Variants in C1orf21 observed in about 807,000 individuals in gnomAD.
C1orf21 encodes chromosome 1 open reading frame 21.
A neutral mutation model predicts 18.7 loss-of-function variants in C1orf21; 3 were observed. That is an observed-to-expected ratio of 0.16 (90% CI 0.07 to 0.42). C1orf21 has a LOEUF of 0.42. Ranked by LOEUF, C1orf21 falls within the 10% of genes least tolerant of loss-of-function variation. The pLI is 0.99. For synonymous variants in C1orf21, 41 were observed against 46.4 expected (o/e 0.88, Z 0.47); for missense variants, 104 against 143.6 (o/e 0.72, Z 1.41).
intron 4 of C1orf21, among the ~76,000 whole-genome samples, chr1:184,596,163 T>C (rs1659510469): frequency 6.6e-6 from 1 of 152,178 alleles, no homozygotes; most frequent in Non-Finnish European, 1.5e-5. Context: ...TGCATGTGTA[T>C]GAGTACTGAC....
chr1:184,489,420 AC>A (rs1180694651), intron 2 of C1orf21, among the ~76,000 whole-genome samples: 1 of 152,220 alleles, frequency 6.6e-6, no homozygotes, highest in Non-Finnish European at 1.5e-5. Context: ...AACATTTTTT[AC>A]CCTTCAGATT....
At position 184,448,930 on chromosome 1, in the gene C1orf21, C is replaced by G. The variant is rs1469562631; in HGVS notation, c.-124-28456C>G. Among the ~76,000 whole-genome samples, 3 of 152,154 alleles carry G rather than the reference C, an allele frequency of 2.0e-5. No homozygotes were observed. In the East Asian group the frequency reaches 5.8e-4, roughly 29 times the overall value. Reference sequence around the variant, plus strand: ...TGAGTAAAAGATTTGAAATAATACACTTTCTTCCAAATCTTCCTGCCTAAA... The same window carrying G: ...TGAGTAAAAGATTTGAAATAATACAGTTTCTTCCAAATCTTCCTGCCTAAA... On this transcript the variant is annotated intron_variant, in intron 1 of 5. Coordinates refer to ENST00000235307, the MANE Select transcript of C1orf21 (RefSeq NM_030806.4).
chr1:184,458,752 A>C (rs182729657), intron 1 of C1orf21, among the ~76,000 whole-genome samples: 1 of 152,226 alleles, frequency 6.6e-6, no homozygotes, highest in African/African-American at 2.4e-5. Context: ...AATCTTTAAA[A>C]AAGCAAACTT....
chr1:184,571,315 A>G (rs1045821313), intron 3 of C1orf21, among the ~76,000 whole-genome samples: 7 of 151,688 alleles, frequency 4.6e-5, no homozygotes, highest in East Asian at 3.9e-4. Context: ...AAAAAAAAAA[A>G]AAAGAAAAGG....
Position 184,539,979 on chromosome 1 carries a change from T to C in C1orf21, c.189+32297T>C, listed in dbSNP as rs1376156956. Reference sequence around the variant, plus strand: ...TGACCCTGCTGACCTGTGATGAACATGTACCCACGAGTGAGAAATAAACCC... The same window carrying C: ...TGACCCTGCTGACCTGTGATGAACACGTACCCACGAGTGAGAAATAAACCC... On this transcript the variant is annotated intron_variant, in intron 3 of 5. Coordinates refer to ENST00000235307, the MANE Select transcript of C1orf21 (RefSeq NM_030806.4). 4 of 152,322 alleles carry C rather than the reference T, an allele frequency of 2.6e-5. No homozygotes were observed. The East Asian group carries it at 7.7e-4, about 29-fold the overall frequency. 9.4% of individuals were successfully genotyped at this position (152,322 alleles called of 1,614,324 possible). A position where few individuals can be genotyped will look rare whatever the true frequency, so the allele number is the denominator to read the frequency against.
chr1:184,409,484 C>T (rs1409183879), intron 1 of C1orf21, among the ~76,000 whole-genome samples: 2 of 151,930 alleles, frequency 1.3e-5, no homozygotes, highest in Non-Finnish European at 2.9e-5. Context: ...TGAAGGGATT[C>T]GTAATGGATC....
chr1:184,559,228 T>G (rs1429663211), intron 3 of C1orf21, among the ~76,000 whole-genome samples: 2 of 152,010 alleles, frequency 1.3e-5, no homozygotes, highest in African/African-American at 4.8e-5. Context: ...AATAGTGAGT[T>G]ATTGCAAGAT....
intron 1 of C1orf21, among the ~76,000 whole-genome samples, chr1:184,393,721 A>G (rs57590305): frequency 0.11 from 16,342 of 152,202 alleles, 2,684 homozygotes; most frequent in African/African-American, 0.35. Context: ...AAATCTGGAA[A>G]AGCATTCCAG....
intron 1 of C1orf21, among the ~76,000 whole-genome samples, chr1:184,423,004 A>G (rs1021597696): frequency 6.6e-6 from 1 of 152,170 alleles, no homozygotes; most frequent in African/African-American, 2.4e-5. Context: ...CCTACCATCC[A>G]TTGGCATTAT....
intron 3 of C1orf21, among the ~76,000 whole-genome samples, chr1:184,559,489 T>C (rs1379518963): frequency 8.1e-6 from 1 of 123,632 alleles, no homozygotes; most frequent in Non-Finnish European, 1.7e-5. Flanking sequence ...CTTCCTTCCT[T>C]CCTTCCTTCC....
At chr1:184,524,916 G>T (rs112904213) in intron 3 of C1orf21, among the ~76,000 whole-genome samples, 1 of 151,968 alleles carries the variant, frequency 6.6e-6, no homozygotes. Flanking sequence ...TTTTATTATA[G>T]AAAATATTTT....
At chr1:184,404,041 A>C (rs1395587366) in intron 1 of C1orf21, among the ~76,000 whole-genome samples, 1 of 152,244 alleles carries the variant, frequency 6.6e-6, no homozygotes, top group Non-Finnish European at 1.5e-5. Context: ...TATATGCCAG[A>C]TATAGCACCT....
At chr1:184,556,915 C>G (rs531512396) in intron 3 of C1orf21, among the ~76,000 whole-genome samples, 1 of 152,348 alleles carries the variant, frequency 6.6e-6, no homozygotes, top group South Asian at 2.1e-4. Flanking sequence ...CTGAGCATCA[C>G]AAGACTTAAC....
chr1:184,481,160 G>T (rs1657648546), intron 2 of C1orf21, among the ~76,000 whole-genome samples: 2 of 151,890 alleles, frequency 1.3e-5, no homozygotes, highest in South Asian at 2.1e-4. Context: ...GAGAAAAGAA[G>T]AAATAACTTA....
chr1:184,503,077 CAAAAAAAAA>C (rs199599189), intron 2 of C1orf21, among the ~76,000 whole-genome samples: 12 of 61,630 alleles, frequency 1.9e-4, no homozygotes, highest in Admixed American at 4.5e-4. Context: ...GAAACTGTCT[CAAAAAAAAA>C]AAAAAAAAAA....
chr1:184,571,766 G>T (rs1196416826), intron 3 of C1orf21, among the ~76,000 whole-genome samples: 3 of 152,130 alleles, frequency 2.0e-5, no homozygotes, highest in Non-Finnish European at 4.4e-5. Context: ...TATGTGGACT[G>T]CTCTTTTCCT....
intron 1 of C1orf21, among the ~76,000 whole-genome samples, chr1:184,462,650 G>T (rs1326413541): frequency 1.3e-5 from 2 of 151,986 alleles, no homozygotes; most frequent in Admixed American, 6.6e-5. Context: ...TTTTTTTGGG[G>T]GGGAATACAG....
chr1:184,396,203 T>A lies in C1orf21; in HGVS notation c.-125+8835T>A, dbSNP rs1457761555. On this transcript the variant is annotated intron_variant, in intron 1 of 5. Transcript: ENST00000235307. The stretch of plus-strand genomic sequence containing the variant: ...GACTTTTTGCCCACAATATAAGCAG[T>A]GAGGGTCACTGAAAGATTATAAAGA... Among the ~76,000 whole-genome samples the A allele has an allele frequency of 2.0e-5, 3 of 152,156 alleles. No homozygotes were observed. The East Asian group carries it at 5.8e-4, about 29-fold the overall frequency.
chr1:184,453,099 C>T (rs1488428582), intron 1 of C1orf21, among the ~76,000 whole-genome samples: 1 of 152,068 alleles, frequency 6.6e-6, no homozygotes, highest in Non-Finnish European at 1.5e-5. Context: ...GGAAGCGCAC[C>T]ATGAAATGCC....
Sources: allele counts gnomAD v4.1 joint callset (sites outside exome capture counted in the v4.1 genomes callset), GRCh38; gene constraint gnomAD v4.1.1; transcripts MANE v1.5; gene names NCBI Gene and HGNC (gene_info 2026-07-23, HGNC 2026-07-21).